SLC25A10: variants seen among roughly 807,000 people sequenced by gnomAD.
The protein encoded by SLC25A10 is solute carrier family 25 member 10.
Under a neutral mutation model 40.4 loss-of-function variants are expected in SLC25A10, and 32 were observed. That is an observed-to-expected ratio of 0.79 (90% CI 0.60 to 1.06). The LOEUF is 1.06. Ranked by LOEUF, SLC25A10 falls within the 50% of genes least tolerant of loss-of-function variation. The pLI, the probability that SLC25A10 is intolerant of heterozygous loss-of-function variation, is 0.00. For missense variants in SLC25A10, 394 were observed against 402.6 expected, an observed-to-expected ratio of 0.98 and a Z score of 0.18; for synonymous variants, 181 against 171.1, an observed-to-expected ratio of 1.06 and a Z score of -0.45.
intron 5 of SLC25A10, among the ~76,000 whole-genome samples, chr17:81,716,277 C>G (rs1598212538): frequency 2.6e-5 from 4 of 152,122 alleles, no homozygotes; most frequent in African/African-American, 7.2e-5. Flanking sequence ...GGGGGCTGGG[C>G]CTGTTTGCAC....
intron 1 of SLC25A10, chr17:81,713,279 T>C (rs1379233399): frequency 5.9e-6 from 1 of 170,756 alleles, no homozygotes; most frequent in Non-Finnish European, 1.2e-5. Flanking sequence ...CAAGGGGCGT[T>C]GTTTTCTGAC....
rs1598758969 is a variant in SLC25A10, at chr17:81,712,325, A to G, written c.-102A>G. On this transcript the variant is annotated 5_prime_UTR_variant, in exon 1 of 11. Coordinates refer to ENST00000350690, the MANE Select transcript of SLC25A10 (RefSeq NM_012140.5). ...GTGCGGGCGCGCGGGCGGCGCTTTG[A>G]ACCGGGCGCGGGGCGCGGGGCGCGG... The G allele has an allele frequency of 3.7e-5, 30 of 821,180 alleles. No individual in the cohort carries two copies. In the East Asian group the frequency reaches 1.3e-3, roughly 35 times the overall value. The allele number at this position is 821,180 out of a possible 1,614,324, so 50.9% of individuals were successfully genotyped here.
In SLC25A10 at chr17:81,717,451, C is replaced by T. The variant is rs770598046; in HGVS notation, c.587C>T (p.Ser196Phe). The change falls in exon 8 of 11, where the codon TCT (serine) becomes TTT (phenylalanine). Residue 196 changes from serine to phenylalanine, a missense_variant. Physicochemically the swap from Ser to Phe is radical, Grantham distance 155 (BLOSUM62 -2). Transcript: ENST00000350690. ...KQLVLSTGYL[S>F]DNIFTHFVAS... The stretch of plus-strand genomic sequence containing the variant: ...CTGGTCCTTAGCACCGGGTACCTCT[C>T]TGACAACATCTTCACTCACTTTGTC... 1 of 1,613,684 alleles carries T rather than the reference C, an allele frequency of 6.2e-7. No homozygotes were observed.
In SLC25A10 at chr17:81,720,212, T is replaced by C; in HGVS notation, c.*135T>C. ...CGTCCTCCGCAGCAGGCCCCTGCTG[T>C]CCCCCCACCTGCTGGCTGAGCTCCT... On this transcript the variant is annotated 3_prime_UTR_variant, in exon 11 of 11. Coordinates refer to ENST00000350690, the MANE Select transcript of SLC25A10 (RefSeq NM_012140.5). 6.8e-7 allele frequency: 1 copy of C among 1,466,214 alleles called. No individual in the cohort carries two copies. Among genetic ancestry groups the C allele is most frequent in the Non-Finnish European group, 9.0e-7 (1 of 1,116,764 alleles). 90.8% of individuals were successfully genotyped at this position (1,466,214 alleles called of 1,614,324 possible). A position where few individuals can be genotyped will look rare whatever the true frequency, so the allele number is the denominator to read the frequency against.
intron 9 of SLC25A10, among the ~76,000 whole-genome samples, chr17:81,718,551 A>C (rs1598214586): frequency 6.6e-6 from 1 of 152,362 alleles, no homozygotes; most frequent in East Asian, 1.9e-4. Context: ...GCTACACAGG[A>C]GGCTGAGGTG....
chr17:81,720,584 C>G lies in SLC25A10; in HGVS notation c.*507C>G, dbSNP rs540386953. ...GTCCTCGGGCAGCTGCAACTCCCCG[C>G]GAGACCCCGCAGCTGGGTGGGATGA... On this transcript the variant is annotated 3_prime_UTR_variant, in exon 11 of 11. Transcript: ENST00000350690. The G allele has an allele frequency of 8.4e-7, 1 of 1,186,198 alleles. No individual in the cohort carries two copies. The highest frequency in any genetic ancestry group is 1.1e-6 in the Non-Finnish European group (1 of 936,670). 73.5% of individuals were successfully genotyped at this position (1,186,198 alleles called of 1,614,324 possible).
At chr17:81,712,575 C>T (rs112084731) in intron 1 of SLC25A10, 56 bp downstream of exon 1, 25,041 of 1,155,740 alleles carry the variant, frequency 0.022, 313 homozygotes, top group Non-Finnish European at 0.024. Flanking sequence ...GCCGAGACGC[C>T]TGCAAAGGCA....
At chr17:81,719,653 C>T (rs1049387304) in intron 9 of SLC25A10, among the ~76,000 whole-genome samples, 178 bp from the exon 10 acceptor site, 2 of 152,232 alleles carry the variant, frequency 1.3e-5, no homozygotes, top group African/African-American at 4.8e-5. Context: ...TGGCTGGTGC[C>T]TGCAGACCTG....
At chr17:81,713,296 T>G (rs959105370) in intron 1 of SLC25A10, 2 of 205,922 alleles carry the variant, frequency 9.7e-6, no homozygotes, top group African/African-American at 4.7e-5. Context: ...TGACCGTGTC[T>G]TGCCACAGAG....
intron 1 of SLC25A10, chr17:81,713,441 C>T (rs1288833168): frequency 6.1e-6 from 6 of 985,320 alleles, no homozygotes; most frequent in Admixed American, 6.2e-5. Context: ...GACTTGTATT[C>T]CAGCAGCCTT....
chr17:81,715,205 G>A (rs900558931), intron 2 of SLC25A10, 133 bp downstream of exon 2: 2 of 1,371,728 alleles, frequency 1.5e-6, no homozygotes, highest in African/African-American at 2.9e-5. Context: ...GTGACCCCAG[G>A]GTGCGCCTCC....
In SLC25A10 at chr17:81,720,645, G is replaced by A. The variant is rs2037574102; in HGVS notation, c.*568G>A. The A allele has an allele frequency of 4.0e-6, 3 of 757,098 alleles. No homozygotes were observed. The African/African-American group carries it at 5.4e-5, about 14-fold the overall frequency. 46.9% of individuals were successfully genotyped at this position (757,098 alleles called of 1,614,324 possible). On this transcript the variant is annotated 3_prime_UTR_variant, in exon 11 of 11. Coordinates refer to ENST00000350690, the MANE Select transcript of SLC25A10 (RefSeq NM_012140.5). ...CAGACCACAAGCGAGTGCCTGGGAG[G>A]GAGTGGCCCAGGGTGGTTCTGGAGC...
intron 7 of SLC25A10, 146 bp downstream of exon 7, chr17:81,717,218 G>T (rs1356587838): frequency 1.9e-6 from 2 of 1,057,948 alleles, no homozygotes; most frequent in Non-Finnish European, 2.8e-6. Context: ...TGGGGGGCAC[G>T]GGTGGGTCAG....
rs2037568802 is a variant in SLC25A10 at position 81,720,385 on chromosome 17, C to G, written c.*308C>G. 2.6e-5 allele frequency: 36 copies of G among 1,406,326 alleles called. No homozygotes were observed. In the Middle Eastern group the frequency reaches 1.0e-3, roughly 41 times the overall value. The allele number at this position is 1,406,326 out of a possible 1,614,324, so 87.1% of individuals were successfully genotyped here. A position where few individuals can be genotyped will look rare whatever the true frequency, so the allele number is the denominator to read the frequency against. On this transcript the variant is annotated 3_prime_UTR_variant, in exon 11 of 11. Coordinates refer to ENST00000350690, the MANE Select transcript of SLC25A10 (RefSeq NM_012140.5). ...TACCAGAGGCTGATTTCTCCCCTCT[C>G]CTGGGCCAGGGGAGGGGTATTATCC...
Position 81,717,618 on chromosome 17 carries a change from T to A in SLC25A10, c.627+127T>A, listed in dbSNP as rs930531724. 282 of 1,297,728 alleles carry A rather than the reference T, an allele frequency of 2.2e-4. 1 individual carries two copies. The highest frequency in any genetic ancestry group is 2.8e-4 in the Non-Finnish European group (252 of 913,080). 80.4% of individuals were successfully genotyped at this position (1,297,728 alleles called of 1,614,324 possible). ...ATCTGGCAGTGCCCCCTGGGGCTCATAAGTGGGGTGCCAGGGCTTTGGGAG... is the reference window on the plus strand; with the variant it reads ...ATCTGGCAGTGCCCCCTGGGGCTCAAAAGTGGGGTGCCAGGGCTTTGGGAG... On this transcript the variant is annotated intron_variant, in intron 8 of 10. Coordinates refer to ENST00000350690, the MANE Select transcript of SLC25A10 (RefSeq NM_012140.5).
rs554266051 is a variant in SLC25A10 at position 81,712,405 on chromosome 17, C to T, written c.-22C>T. 8.5e-5 allele frequency: 108 copies of T among 1,264,578 alleles called. No homozygotes were observed. Among genetic ancestry groups the T allele is most frequent in the Non-Finnish European group, 1.0e-4 (102 of 1,003,392 alleles). 78.3% of individuals were successfully genotyped at this position (1,264,578 alleles called of 1,614,324 possible). A position where few individuals can be genotyped will look rare whatever the true frequency, so the allele number is the denominator to read the frequency against. On this transcript the variant is annotated 5_prime_UTR_variant, in exon 1 of 11. Coordinates refer to ENST00000350690, the MANE Select transcript of SLC25A10 (RefSeq NM_012140.5). ...GGCCGGGGTCGGGTTGTGGTCGGGC[C>T]GGGATTGGGCTCTCCTGGGCCATGG...
At chr17:81,715,824 G>T in intron 4 of SLC25A10, 83 bp downstream of exon 4, 1 of 1,573,554 alleles carries the variant, frequency 6.4e-7, no homozygotes, top group Non-Finnish European at 8.7e-7. Flanking sequence ...CTGCTTGCAG[G>T]GTGGGGTCAG....
intron 6 of SLC25A10, 73 bp from the exon 7 acceptor site, chr17:81,716,929 C>A: frequency 6.2e-7 from 1 of 1,604,876 alleles, no homozygotes; most frequent in Non-Finnish European, 8.5e-7. Context: ...GAAGACTGGG[C>A]GCTGAGGGAT....
At position 81,720,663 on chromosome 17, in the gene SLC25A10, T is replaced by C; in HGVS notation, c.*586T>C. The C allele has an allele frequency of 1.7e-6, 1 of 586,642 alleles. No homozygotes were observed. The highest frequency in any genetic ancestry group is 2.5e-6 in the Non-Finnish European group (1 of 395,702). 36.3% of individuals were successfully genotyped at this position (586,642 alleles called of 1,614,324 possible). A position where few individuals can be genotyped will look rare whatever the true frequency, so the allele number is the denominator to read the frequency against. On this transcript the variant is annotated 3_prime_UTR_variant, in exon 11 of 11. Transcript: ENST00000350690. ...CTGGGAGGGAGTGGCCCAGGGTGGT[T>C]CTGGAGCCATTGTGGGTGAGGGTCG...
Sources: allele counts gnomAD v4.1 joint callset (sites outside exome capture counted in the v4.1 genomes callset), GRCh38; gene constraint gnomAD v4.1.1; transcripts MANE v1.5; gene names NCBI Gene and HGNC (gene_info 2026-07-23, HGNC 2026-07-21).